ASTN2: variants seen among roughly 807,000 people sequenced by gnomAD.
ASTN2 encodes astrotactin 2.
ASTN2 carries 54 observed loss-of-function variants against 139.8 expected under a neutral mutation model. The observed-to-expected ratio is 0.39, with a 90% confidence interval of 0.31 to 0.48. The LOEUF is 0.48. ASTN2 is among the 20% of genes least tolerant of loss of function. The pLI, the probability that ASTN2 is intolerant of heterozygous loss-of-function variation, is 0.95. For synonymous variants in ASTN2, 756 were observed against 719.5 expected, an observed-to-expected ratio of 1.05 and a Z score of -0.81; for missense variants, 1,565 against 1,725.1, an observed-to-expected ratio of 0.91 and a Z score of 1.64.
At chr9:117,374,951 G>A (rs1830083112) in intron 1 of ASTN2, among the ~76,000 whole-genome samples, 1 of 152,140 alleles carries the variant, frequency 6.6e-6, no homozygotes, top group South Asian at 2.1e-4. Context: ...TCCCCACCCT[G>A]TCTTTTTCCA....
chr9:117,414,755 G>A lies in ASTN2; in HGVS notation c.184C>T (p.Pro62Ser). 7.9e-7 allele frequency: 1 copy of A among 1,269,228 alleles called. No individual in the cohort carries two copies. The highest frequency in any genetic ancestry group is 9.9e-7 in the Non-Finnish European group (1 of 1,006,056). 78.6% of individuals were successfully genotyped at this position (1,269,228 alleles called of 1,614,324 possible). ...ACCGTGACGGTCTTCAGCCGGCACG[G>A]GCTGTCGGGCTCCCGCGAGGCAGCG... ...TAAASREPDSPCRLKTVTVST... is the reference protein window; with the variant it reads ...TAAASREPDSSCRLKTVTVST... The change falls in exon 1 of 23, where the codon CCG (proline) becomes TCG (serine). Residue 62 changes from proline (P) to serine (S), a missense_variant. Pro to Ser is a moderately conservative substitution (Grantham distance 74). Coordinates refer to ENST00000313400, the MANE Select transcript of ASTN2 (RefSeq NM_001365068.1). This position sits in a 1 kb window ranked among gnomAD's most constrained non-coding sequence, Gnocchi z 4.2.
chr9:117,363,669 G>T (rs985632924), intron 1 of ASTN2, among the ~76,000 whole-genome samples: 1 of 152,158 alleles, frequency 6.6e-6, no homozygotes, highest in African/African-American at 2.4e-5. Flanking sequence ...TTAAAAGTAT[G>T]GGTAGGATTT....
At chr9:116,741,735 C>T (rs1170440119) in intron 13 of ASTN2, among the ~76,000 whole-genome samples, 1 of 152,118 alleles carries the variant, frequency 6.6e-6, no homozygotes, top group African/African-American at 2.4e-5. Context: ...CTGCAGGTGC[C>T]GGAGACATCT....
intron 13 of ASTN2, among the ~76,000 whole-genome samples, chr9:116,795,045 C>T (rs1426844143): frequency 2.0e-5 from 3 of 152,144 alleles, no homozygotes; most frequent in Non-Finnish European, 2.9e-5. Flanking sequence ...GGTGCAATCT[C>T]GGCTTACTGC....
chr9:117,275,878 G>T (rs10983601), intron 2 of ASTN2, among the ~76,000 whole-genome samples: 7 of 152,006 alleles, frequency 4.6e-5, no homozygotes, highest in Non-Finnish European at 8.8e-5. Flanking sequence ...TGGATTAGGA[G>T]CTCACTCTTA....
intron 1 of ASTN2, among the ~76,000 whole-genome samples, chr9:117,313,085 C>T (rs1209686656): frequency 6.6e-6 from 1 of 152,198 alleles, no homozygotes; most frequent in Non-Finnish European, 1.5e-5. Context: ...TAGGAACCCA[C>T]GTTCAGAATC....
chr9:116,825,298 C>T (rs1356578211), intron 11 of ASTN2, among the ~76,000 whole-genome samples: 4 of 152,300 alleles, frequency 2.6e-5, no homozygotes, highest in African/African-American at 9.6e-5. Flanking sequence ...CTCTTGGAGG[C>T]ACTTCTGAAG....
chr9:116,802,180 G>A (rs919244320), intron 13 of ASTN2, among the ~76,000 whole-genome samples: 7 of 146,894 alleles, frequency 4.8e-5, no homozygotes, highest in South Asian at 4.3e-4. Flanking sequence ...TCCGCCTCCC[G>A]GGTTTACGCC....
chr9:116,652,317 TTCCATC>T (rs1390251486), intron 16 of ASTN2, among the ~76,000 whole-genome samples: 2 of 152,008 alleles, frequency 1.3e-5, no homozygotes, highest in African/African-American at 4.8e-5. Context: ...GAGAGCGAGA[TTCCATC>T]TCAGAATAAA....
chr9:116,783,788 G>A (rs1398587565), intron 13 of ASTN2, among the ~76,000 whole-genome samples: 2 of 152,090 alleles, frequency 1.3e-5, no homozygotes, highest in Non-Finnish European at 2.9e-5. Context: ...GGCTGAGGAG[G>A]TTCCTAATAC....
intron 16 of ASTN2, among the ~76,000 whole-genome samples, chr9:116,664,220 A>G (rs989474993): frequency 6.6e-6 from 1 of 152,016 alleles, no homozygotes; most frequent in Non-Finnish European, 1.5e-5. Flanking sequence ...GGAAAAAAGG[A>G]AAGTGCAGAA....
intron 19 of ASTN2, among the ~76,000 whole-genome samples, chr9:116,518,250 G>A (rs193011067): frequency 1.1e-4 from 16 of 152,286 alleles, no homozygotes; most frequent in African/African-American, 3.4e-4. Flanking sequence ...CTTCAGAGCT[G>A]TGAGGCAAAA....
At position 117,096,163 on chromosome 9, in the gene ASTN2, C is replaced by T. The variant is rs1451500126; in HGVS notation, c.1169-12G>A. ...AAAGCTGATTCCTCCTGTGAGTAAGCACAGTCTATCAGTTAGTCTCCCAGG... is the reference window on the plus strand; with the variant it reads ...AAAGCTGATTCCTCCTGTGAGTAAGTACAGTCTATCAGTTAGTCTCCCAGG... On this transcript the variant is annotated splice_polypyrimidine_tract_variant and intron_variant, in intron 4 of 22. Transcript: ENST00000313400. 2 of 1,608,592 alleles carry T rather than the reference C, an allele frequency of 1.2e-6. No individual in the cohort carries two copies. The highest frequency in any genetic ancestry group is 1.7e-6 in the Non-Finnish European group (2 of 1,175,312).
chr9:116,979,670 G>A (rs1375624916), intron 7 of ASTN2, among the ~76,000 whole-genome samples: 3 of 152,184 alleles, frequency 2.0e-5, no homozygotes, highest in Middle Eastern at 3.4e-3. Context: ...ACAAGCCACA[G>A]GCCTCATGAT....
intron 3 of ASTN2, among the ~76,000 whole-genome samples, chr9:117,149,316 C>T (rs1052437422): frequency 1.3e-5 from 2 of 152,136 alleles, no homozygotes; most frequent in African/African-American, 2.4e-5. Flanking sequence ...CTACACCTGG[C>T]CTGAACCAGT....
chr9:117,105,179 A>G (rs1022296021), intron 4 of ASTN2, among the ~76,000 whole-genome samples: 2 of 152,164 alleles, frequency 1.3e-5, no homozygotes, highest in Non-Finnish European at 2.9e-5. Flanking sequence ...GGCTGGCCTT[A>G]GGAACGTAAC....
rs934157211 is a variant in ASTN2, at chr9:117,414,794, C to T, written c.145G>A (p.Ala49Thr). ...LLLLPPPPLL[A>T]GATAAASREP... Reference sequence around the variant, plus strand: ...CGCGAGGCAGCGGCGGTGGCGCCGGCCAGCAGCGGCGGCGGCGGCAGCAGG... The same window carrying T: ...CGCGAGGCAGCGGCGGTGGCGCCGGTCAGCAGCGGCGGCGGCGGCAGCAGG... The change falls in exon 1 of 23, where the codon GCC (alanine) becomes ACC (threonine). Residue 49 changes from alanine (A) to threonine (T), a missense_variant. Physicochemically the swap from Ala to Thr is moderately conservative, Grantham distance 58 (BLOSUM62 0). Coordinates refer to ENST00000313400, the MANE Select transcript of ASTN2 (RefSeq NM_001365068.1). The surrounding 1 kb of genome is among the most constrained non-coding windows in gnomAD (Gnocchi z 4.2). 2.9e-5 allele frequency: 36 copies of T among 1,238,394 alleles called. No individual in the cohort carries two copies. Among genetic ancestry groups the T allele is most frequent in the Non-Finnish European group, 3.5e-5 (35 of 990,512 alleles). 76.7% of individuals were successfully genotyped at this position (1,238,394 alleles called of 1,614,324 possible). A position where few individuals can be genotyped will look rare whatever the true frequency, so the allele number is the denominator to read the frequency against.
At chr9:117,384,930 T>C (rs1830359210) in intron 1 of ASTN2, among the ~76,000 whole-genome samples, 1 of 152,056 alleles carries the variant, frequency 6.6e-6, no homozygotes, top group Non-Finnish European at 1.5e-5. Flanking sequence ...AAAGGGAGTT[T>C]GGGAAAACTG....
chr9:117,081,833 G>A (rs1485012347), intron 5 of ASTN2, among the ~76,000 whole-genome samples: 1 of 152,150 alleles, frequency 6.6e-6, no homozygotes, highest in Admixed American at 6.5e-5. Flanking sequence ...CAGCTGGCAG[G>A]AAAACAGGCA....
Sources: allele counts gnomAD v4.1 joint callset (sites outside exome capture counted in the v4.1 genomes callset), GRCh38; gene constraint gnomAD v4.1.1; non-coding constraint Gnocchi (gnomAD v3.1); transcripts MANE v1.5; gene names NCBI Gene and HGNC (gene_info 2026-07-23, HGNC 2026-07-21).